Variants in DOCK3 observed in about 807,000 individuals in gnomAD.
The protein encoded by DOCK3 is dedicator of cytokinesis 3.
Under a neutral mutation model 265.6 loss-of-function variants are expected in DOCK3, and 60 were observed. That is an observed-to-expected ratio of 0.23 (90% confidence interval 0.18 to 0.28). The LOEUF (loss-of-function observed/expected upper bound fraction) is 0.28, where lower values mean the gene tolerates loss of function less well. Ranked by LOEUF, DOCK3 falls within the 10% of genes least tolerant of loss-of-function variation. The pLI, the probability that DOCK3 is intolerant of heterozygous loss-of-function variation, is 1.00. For missense variants in DOCK3, 1,981 were observed against 2,594.3 expected (o/e 0.76, Z 5.14); for synonymous variants, 881 against 938.0 (o/e 0.94, Z 1.11).
At chr3:50,707,668 T>C (rs2107879635) in intron 1 of DOCK3, among the ~76,000 whole-genome samples, 1 of 152,018 alleles carries the variant, frequency 6.6e-6, no homozygotes, top group South Asian at 2.1e-4. Context: ...GTATCTGTAG[T>C]TGTGGGTCTG....
chr3:50,872,537 C>T (rs1475960287), intron 3 of DOCK3, among the ~76,000 whole-genome samples: 2 of 152,188 alleles, frequency 1.3e-5, no homozygotes, highest in East Asian at 1.9e-4. Flanking sequence ...TAACCACTCC[C>T]GGGCTACCAT....
intron 4 of DOCK3, among the ~76,000 whole-genome samples, chr3:50,905,331 G>A (rs2049426821): frequency 2.6e-5 from 4 of 151,616 alleles, no homozygotes; most frequent in African/African-American, 9.7e-5. Context: ...GGACAGCATT[G>A]AATCTATAAA....
intron 19 of DOCK3, among the ~76,000 whole-genome samples, 159 bp downstream of exon 19, chr3:51,229,768 C>T (rs925377111): frequency 6.6e-6 from 1 of 151,864 alleles, no homozygotes; most frequent in African/African-American, 2.4e-5. Flanking sequence ...TTTTGGTATG[C>T]TTTTATTTTT....
In DOCK3 at chr3:51,310,230, A is replaced by G. The variant is rs2082987549; in HGVS notation, c.2923-2A>G. 6.3e-7 allele frequency: 1 copy of G among 1,595,126 alleles called. No individual in the cohort carries two copies. Among genetic ancestry groups the G allele is most frequent in the Non-Finnish European group, 8.5e-7 (1 of 1,170,326 alleles). On this transcript the variant is annotated splice_acceptor_variant, in intron 27 of 52. Coordinates refer to ENST00000266037, the MANE Select transcript of DOCK3 (RefSeq NM_004947.5). LOFTEE classifies it high-confidence loss of function. ...CTCACATCAGCTTTCCTCTGCTGTCAGGAATTTCTGCTGAAGATTTTTTGC... is the reference window on the plus strand; with the variant it reads ...CTCACATCAGCTTTCCTCTGCTGTCGGGAATTTCTGCTGAAGATTTTTTGC...
chr3:50,730,897 G>A (rs2038164148), intron 1 of DOCK3, among the ~76,000 whole-genome samples: 1 of 151,934 alleles, frequency 6.6e-6, no homozygotes, highest in Admixed American at 6.6e-5. Context: ...TTGGGAGGCC[G>A]AGGTGGGTGG....
intron 2 of DOCK3, among the ~76,000 whole-genome samples, chr3:50,815,352 T>A (rs2044014315): frequency 6.6e-6 from 1 of 152,210 alleles, no homozygotes; most frequent in African/African-American, 2.4e-5. Context: ...ATTTGACTTA[T>A]TTTTTCATTT....
intron 31 of DOCK3, among the ~76,000 whole-genome samples, chr3:51,314,275 G>A (rs1286773608): frequency 6.6e-6 from 1 of 152,294 alleles, no homozygotes; most frequent in East Asian, 1.9e-4. Flanking sequence ...CACTTACCAT[G>A]GAAATGCTTC....
At chr3:50,970,778 G>C (rs1383764055) in intron 5 of DOCK3, among the ~76,000 whole-genome samples, 3 of 141,256 alleles carry the variant, frequency 2.1e-5, no homozygotes, top group Non-Finnish European at 4.6e-5. Context: ...CCAGACTGCA[G>C]TGCAGTGGTG....
At position 50,756,947 on chromosome 3, in the gene DOCK3, C is replaced by T. The variant is rs371448931; in HGVS notation, c.38-21728C>T. Reference sequence around the variant, plus strand: ...TGGATCATGGCTCACTGCAGCCTCACTCTCCCAGGCTCAAGCAGTCCTCCC... The same window carrying T: ...TGGATCATGGCTCACTGCAGCCTCATTCTCCCAGGCTCAAGCAGTCCTCCC... On this transcript the variant is annotated intron_variant, in intron 1 of 52. Transcript: ENST00000266037. Among the ~76,000 whole-genome samples the T allele has an allele frequency of 1.1e-3, 174 of 151,878 alleles. 2 individuals carry two copies. The South Asian group carries it at 0.035, about 30-fold the overall frequency.
intron 27 of DOCK3, among the ~76,000 whole-genome samples, chr3:51,309,870 T>C (rs987846389): frequency 4.6e-5 from 7 of 152,220 alleles, no homozygotes; most frequent in Non-Finnish European, 1.0e-4. Context: ...AATCAAACGC[T>C]CAGGGGCCAT....
intron 12 of DOCK3, among the ~76,000 whole-genome samples, chr3:51,165,998 T>C (rs1318099514): frequency 1.3e-5 from 2 of 149,130 alleles, no homozygotes; most frequent in African/African-American, 4.9e-5. Flanking sequence ...TATTCTTTAT[T>C]ATGTATAATT....
chr3:50,751,015 A>G (rs1233433684), intron 1 of DOCK3, among the ~76,000 whole-genome samples: 1 of 152,196 alleles, frequency 6.6e-6, no homozygotes, highest in Non-Finnish European at 1.5e-5. Context: ...AATGTAATAA[A>G]ATTTTAAGAT....
intron 5 of DOCK3, among the ~76,000 whole-genome samples, chr3:51,064,074 A>T (rs1053161229): frequency 2.6e-5 from 4 of 152,182 alleles, no homozygotes; most frequent in Non-Finnish European, 5.9e-5. Flanking sequence ...TTATTGCTGG[A>T]TGGTTGAAAT....
chr3:51,357,149 G>C lies in DOCK3; in HGVS notation c.4683+8G>C. ...ATTGCACGCTATCAGGAGGTAAGCT[G>C]TGGCCACAGGCCAAACCCATGCAGC... On this transcript the variant is annotated splice_region_variant and intron_variant, in intron 44 of 52. Transcript: ENST00000266037. 2 of 1,610,456 alleles carry C rather than the reference G, an allele frequency of 1.2e-6. No individual in the cohort carries two copies. Among genetic ancestry groups the C allele is most frequent in the Non-Finnish European group, 1.7e-6 (2 of 1,178,990 alleles).
chr3:51,256,860 G>T (rs1443455491), intron 22 of DOCK3, among the ~76,000 whole-genome samples: 1 of 152,184 alleles, frequency 6.6e-6, no homozygotes, highest in African/African-American at 2.4e-5. Flanking sequence ...CTTCCAAAGT[G>T]CTGGAATTAC....
intron 2 of DOCK3, among the ~76,000 whole-genome samples, chr3:50,817,255 G>A (rs1391218112): frequency 3.9e-5 from 6 of 152,078 alleles, no homozygotes; most frequent in South Asian, 2.1e-4. Context: ...CTCCTATCTC[G>A]TCCTGTGACT....
At chr3:50,885,997 T>C (rs2048310919) in intron 3 of DOCK3, among the ~76,000 whole-genome samples, 1 of 151,938 alleles carries the variant, frequency 6.6e-6, no homozygotes, top group African/African-American at 2.4e-5. Context: ...GAGCAAGTTT[T>C]TGTTGGAGTT....
intron 2 of DOCK3, among the ~76,000 whole-genome samples, chr3:50,783,037 G>A (rs925152506): frequency 6.7e-6 from 1 of 149,924 alleles, no homozygotes; most frequent in Non-Finnish European, 1.5e-5. Context: ...GTGTGTGTGT[G>A]TGTCTGTACC....
At chr3:51,044,862 C>T (rs551814009) in intron 5 of DOCK3, among the ~76,000 whole-genome samples, 1 of 152,262 alleles carries the variant, frequency 6.6e-6, no homozygotes, top group East Asian at 1.9e-4. Context: ...CCTCTCTTCG[C>T]ATTCATAGAA....
Sources: allele counts gnomAD v4.1 joint callset (sites outside exome capture counted in the v4.1 genomes callset), GRCh38; gene constraint gnomAD v4.1.1; transcripts MANE v1.5; gene names NCBI Gene and HGNC (gene_info 2026-07-23, HGNC 2026-07-21).